The following NFATC3 variants were observed in gnomAD, a reference collection of about 807,000 sequenced individuals.
NFATC3 encodes nuclear factor of activated T cells 3, also known as nuclear factor of activated T-cells, cytoplasmic 3.
A neutral mutation model predicts 98.6 loss-of-function variants in NFATC3; 46 were observed. That is an observed-to-expected ratio of 0.47 (90% CI 0.37 to 0.60). NFATC3 has a LOEUF of 0.60. Among genes scored for constraint, NFATC3 ranks in the 20% least tolerant of loss-of-function variants. NFATC3 has a pLI of 0.00. For missense variants in NFATC3, 1,256 were observed against 1,295.5 expected, an observed-to-expected ratio of 0.97 and a Z score of 0.47; for synonymous variants, 512 against 472.2, an observed-to-expected ratio of 1.08 and a Z score of -1.09.
rs2034476790 is a variant in NFATC3, at chr16:68,087,887, T to C, written c.103+2103T>C. Among the ~76,000 whole-genome samples, 3 of 152,218 alleles carry C rather than the reference T, an allele frequency of 2.0e-5. No individual in the cohort carries two copies. The South Asian group carries it at 6.2e-4, about 31-fold the overall frequency. ...TGTGTGTGTATAAAGGAACACAATT[T>C]GTTCACCAATTGATGGACATTTGGG... On this transcript the variant is annotated intron_variant, in intron 1 of 9. Coordinates refer to ENST00000346183, the MANE Select transcript of NFATC3 (RefSeq NM_173165.3).
At chr16:68,093,208 CTT>C (rs1005400737) in intron 1 of NFATC3, among the ~76,000 whole-genome samples, 1 of 152,196 alleles carries the variant, frequency 6.6e-6, no homozygotes, top group Non-Finnish European at 1.5e-5. Context: ...TCACCAAAGA[CTT>C]TTTCTTTTGT....
intron 4 of NFATC3, among the ~76,000 whole-genome samples, chr16:68,160,204 T>C (rs1470798528): frequency 1.3e-5 from 2 of 152,114 alleles, no homozygotes; most frequent in Non-Finnish European, 2.9e-5. Context: ...TTAGGTAAAA[T>C]AAGAGTTGCC....
At chr16:68,212,936 C>A (rs1446666102) in intron 9 of NFATC3, among the ~76,000 whole-genome samples, 7 of 148,668 alleles carry the variant, frequency 4.7e-5, no homozygotes, top group Non-Finnish European at 8.9e-5. Context: ...ACTACAGGCG[C>A]CCGCCACCAC....
chr16:68,090,316 T>G (rs2034636779), intron 1 of NFATC3, among the ~76,000 whole-genome samples: 1 of 125,034 alleles, frequency 8.0e-6, no homozygotes, highest in Non-Finnish European at 1.6e-5. Context: ...CCAACATTTC[T>G]TTAAAAACAC....
In NFATC3 at chr16:68,110,754, G is replaced by A. The variant is rs114886736; in HGVS notation, c.104-11233G>A. 2.8e-3 allele frequency among the ~76,000 whole-genome samples: 421 copies of A among 152,072 alleles called. 4 individuals are homozygous for A. The highest frequency in any genetic ancestry group is 9.9e-3 in the African/African-American group (409 of 41,484). Reference sequence around the variant, plus strand: ...CTTTTAGTTGTGATATTAGGATGTCGATTTGAGTTTTTTCTGGCTTTTTGA... The same window carrying A: ...CTTTTAGTTGTGATATTAGGATGTCAATTTGAGTTTTTTCTGGCTTTTTGA... On this transcript the variant is annotated intron_variant, in intron 1 of 9. Coordinates refer to ENST00000346183, the MANE Select transcript of NFATC3 (RefSeq NM_173165.3).
intron 3 of NFATC3, chr16:68,138,647 C>T (rs1241118732): frequency 7.8e-7 from 1 of 1,288,940 alleles, no homozygotes; most frequent in Non-Finnish European, 1.0e-6. Flanking sequence ...ATCATCACCA[C>T]TTACAATTTT....
At chr16:68,186,903 A>G (rs2040227664) in intron 8 of NFATC3, among the ~76,000 whole-genome samples, 1 of 152,234 alleles carries the variant, frequency 6.6e-6, no homozygotes, top group Non-Finnish European at 1.5e-5. Context: ...AGATAGTCAT[A>G]TTGTTATGGG....
intron 9 of NFATC3, among the ~76,000 whole-genome samples, chr16:68,220,234 A>G (rs2041809531): frequency 6.6e-6 from 1 of 152,264 alleles, no homozygotes; most frequent in South Asian, 2.1e-4. Context: ...TAAAGGGAGG[A>G]AAATGAGGGC....
At chr16:68,098,294 ATTATTATTT>A (rs1172706970) in intron 1 of NFATC3, among the ~76,000 whole-genome samples, 27 of 104,444 alleles carry the variant, frequency 2.6e-4, no homozygotes, top group Admixed American at 7.6e-4. Context: ...TATTATTATT[ATTATTATTT>A]TTTTTTTTTT....
At chr16:68,159,319 C>T (rs976013318) in intron 4 of NFATC3, among the ~76,000 whole-genome samples, 1 of 151,328 alleles carries the variant, frequency 6.6e-6, no homozygotes, top group Non-Finnish European at 1.5e-5. Context: ...AGGCACCTAT[C>T]AGTGGGTAGT....
chr16:68,168,773 C>T (rs1375909666), intron 5 of NFATC3, among the ~76,000 whole-genome samples: 9 of 151,808 alleles, frequency 5.9e-5, no homozygotes, highest in South Asian at 2.1e-4. Flanking sequence ...CGTGAGCCAC[C>T]GCACCCAGCC....
chr16:68,148,081 T>G (rs1473154722), intron 3 of NFATC3, among the ~76,000 whole-genome samples: 1 of 152,100 alleles, frequency 6.6e-6, no homozygotes, highest in Non-Finnish European at 1.5e-5. Flanking sequence ...AATGGCGCGA[T>G]CTCGGCTCAC....
At chr16:68,107,525 C>T (rs1317818760) in intron 1 of NFATC3, among the ~76,000 whole-genome samples, 3 of 152,122 alleles carry the variant, frequency 2.0e-5, no homozygotes, top group African/African-American at 7.2e-5. Context: ...GAGTTCAAGA[C>T]CAGCCTGGCC....
chr16:68,143,839 G>A (rs992317572), intron 3 of NFATC3, among the ~76,000 whole-genome samples: 1 of 152,054 alleles, frequency 6.6e-6, no homozygotes, highest in African/African-American at 2.4e-5. Context: ...GCAACAGAGC[G>A]AGACTCCATC....
chr16:68,120,572 G>GAA lies in NFATC3; in HGVS notation c.104-1395_104-1394dup, dbSNP rs1196341717. 3.4e-3 allele frequency among the ~76,000 whole-genome samples: 288 copies of GAA among 83,590 alleles called. 7 individuals carry two copies. Among genetic ancestry groups the GAA allele is most frequent in the African/African-American group, 0.011 (258 of 23,510 alleles). The allele number at this position is 83,590 out of a possible 152,430, so 54.8% of individuals were successfully genotyped here. On this transcript the variant is annotated intron_variant, in intron 1 of 9. Transcript: ENST00000346183. ...CAAGCCAGAGAGAGACTCTGTCTCA[G>GAA]AAAAAAAAAAAAAAAAAAAAATTAG...
chr16:68,118,710 A>G (rs1160942888), intron 1 of NFATC3, among the ~76,000 whole-genome samples: 6 of 152,244 alleles, frequency 3.9e-5, no homozygotes, highest in African/African-American at 1.4e-4. Flanking sequence ...TCTTATGCAC[A>G]AATATCTATT....
chr16:68,129,886 G>A (rs951377531), intron 3 of NFATC3, among the ~76,000 whole-genome samples: 2 of 151,786 alleles, frequency 1.3e-5, no homozygotes, highest in East Asian at 1.9e-4. Flanking sequence ...TTTGTTGCCC[G>A]GGCTGGTCTC....
intron 2 of NFATC3, among the ~76,000 whole-genome samples, chr16:68,125,234 A>G (rs2036774534): frequency 6.6e-6 from 1 of 152,240 alleles, no homozygotes. Flanking sequence ...ATAAAAATTA[A>G]TATCCTTGAA....
At chr16:68,144,296 A>T (rs925182912) in intron 3 of NFATC3, among the ~76,000 whole-genome samples, 4 of 152,210 alleles carry the variant, frequency 2.6e-5, no homozygotes, top group African/African-American at 9.6e-5. Flanking sequence ...GTTGTCAAGG[A>T]TGCACAGAAA....
Sources: allele counts gnomAD v4.1 joint callset (sites outside exome capture counted in the v4.1 genomes callset), GRCh38; gene constraint gnomAD v4.1.1; transcripts MANE v1.5; gene names NCBI Gene and HGNC (gene_info 2026-07-23, HGNC 2026-07-21).